PHF2: variants seen among roughly 807,000 people sequenced by gnomAD.
PHF2 encodes the protein lysine-specific demethylase PHF2.
A neutral mutation model predicts 120.5 loss-of-function variants in PHF2; 27 were observed. The observed-to-expected ratio is 0.22, with a 90% confidence interval of 0.17 to 0.31. The LOEUF is 0.31. Ranked by LOEUF, PHF2 falls within the 10% of genes least tolerant of loss-of-function variation. The pLI is 1.00. For missense variants in PHF2, 1,024 were observed against 1,434.8 expected, an observed-to-expected ratio of 0.71 and a Z score of 4.63; for synonymous variants, 568 against 592.5, an observed-to-expected ratio of 0.96 and a Z score of 0.60.
In PHF2 at chr9:93,665,669, A is replaced by G; in HGVS notation, c.1938-17A>G. 2 of 1,611,392 alleles carry G rather than the reference A, an allele frequency of 1.2e-6. No homozygotes were observed. The highest frequency in any genetic ancestry group is 1.1e-5 in the South Asian group (1 of 90,992). On this transcript the variant is annotated splice_polypyrimidine_tract_variant and intron_variant, in intron 14 of 21. Transcript: ENST00000359246. ...GGGGCTATGTGGATGCTGCTGACCC[A>G]CTCGCTTCTGCCCTAGCTCCAAGGC...
At chr9:93,597,154 C>G (rs1296531670) in intron 1 of PHF2, among the ~76,000 whole-genome samples, 1 of 152,150 alleles carries the variant, frequency 6.6e-6, no homozygotes, top group East Asian at 1.9e-4. Context: ...TGGTCTCGAT[C>G]TCTTGCCCTC....
intron 1 of PHF2, among the ~76,000 whole-genome samples, chr9:93,629,301 C>T (rs967503251): frequency 1.3e-5 from 2 of 152,184 alleles, no homozygotes; most frequent in Non-Finnish European, 2.9e-5. Context: ...TAGGTTGTGT[C>T]CTTTGATACT....
rs759849605 is a variant in PHF2, at chr9:93,667,218, G to A, written c.2326G>A (p.Ala776Thr). ...GCTGCAGGCCAGTGAGGAGGTTGGCGCGCTGGAGTACAACCCCAGCAGGTG... is the reference window on the plus strand; with the variant it reads ...GCTGCAGGCCAGTGAGGAGGTTGGCACGCTGGAGTACAACCCCAGCAGGTG... ...DLLQASEEVG[A>T]LEYNPSSQPP... The change falls in exon 17 of 22, where the codon GCG (alanine) becomes ACG (threonine). Residue 776 changes from alanine (A) to threonine (T), a missense_variant. Around this residue, in one of 2 missense-constraint regions of PHF2, gnomAD observed 677 missense variants for 857.4 expected, o/e 0.79. Transcript: ENST00000359246. The A allele has an allele frequency of 8.1e-6, 13 of 1,611,192 alleles. No homozygotes were observed. The highest frequency in any genetic ancestry group is 4.5e-5 in the East Asian group (2 of 44,796).
chr9:93,639,957 T>G (rs1406216247), intron 3 of PHF2, among the ~76,000 whole-genome samples: 1 of 152,122 alleles, frequency 6.6e-6, no homozygotes, highest in Non-Finnish European at 1.5e-5. Context: ...TCTTACTGAG[T>G]TTTTGGAGAT....
chr9:93,633,219 G>C (rs1826029262), intron 2 of PHF2, among the ~76,000 whole-genome samples: 1 of 152,156 alleles, frequency 6.6e-6, no homozygotes, highest in Non-Finnish European at 1.5e-5. Context: ...GGGATTGCAG[G>C]GTCCCTCCCC....
In PHF2 at chr9:93,663,563, T is replaced by G. The variant is rs762432861; in HGVS notation, c.1865T>G (p.Leu622Arg). The change falls in exon 14 of 22, where the codon CTA becomes CGA. Residue 622 changes from leucine (L) to arginine (R), a missense_variant. Around this residue, in one of 2 missense-constraint regions of PHF2, gnomAD observed 677 missense variants for 857.4 expected, o/e 0.79. Coordinates refer to ENST00000359246, the MANE Select transcript of PHF2 (RefSeq NM_005392.4). ...SLLKMEEEQKLEKSPLAGNKD... is the reference protein window; with the variant it reads ...SLLKMEEEQKREKSPLAGNKD... Reference sequence around the variant, plus strand: ...CTGAAGATGGAAGAGGAGCAGAAGCTAGAGAAGTCGCCTCTAGCTGGAAAC... The same window carrying G: ...CTGAAGATGGAAGAGGAGCAGAAGCGAGAGAAGTCGCCTCTAGCTGGAAAC... 5.0e-6 allele frequency: 8 copies of G among 1,613,452 alleles called. No individual in the cohort carries two copies. The highest frequency in any genetic ancestry group is 5.9e-6 in the Non-Finnish European group (7 of 1,179,680).
At chr9:93,651,544 G>A (rs910874556) in intron 5 of PHF2, among the ~76,000 whole-genome samples, 5 of 152,134 alleles carry the variant, frequency 3.3e-5, no homozygotes, top group African/African-American at 7.2e-5. Flanking sequence ...GTAAGGTCAG[G>A]CCTGACACCA....
chr9:93,611,286 G>A (rs1236061595), intron 1 of PHF2, among the ~76,000 whole-genome samples: 1 of 151,968 alleles, frequency 6.6e-6, no homozygotes, highest in Non-Finnish European at 1.5e-5. Flanking sequence ...GTGGTGGTGT[G>A]TGCCTGTAAT....
chr9:93,660,095 G>T (rs1826533132), intron 11 of PHF2, 97 bp from the exon 12 acceptor site: 1 of 1,410,210 alleles, frequency 7.1e-7, no homozygotes, highest in Non-Finnish European at 9.4e-7. Context: ...TTCCCCGCCA[G>T]CCTGGCACTG....
At chr9:93,673,445 C>T in intron 17 of PHF2, 140 bp from the exon 18 acceptor site, 2 of 617,356 alleles carry the variant, frequency 3.2e-6, no homozygotes, top group Non-Finnish European at 5.1e-6. Context: ...TCACTGCCAC[C>T]CTCTCTGCTC....
In PHF2 at chr9:93,611,205, C is replaced by A. The variant is rs529676404; in HGVS notation, c.99-18765C>A. Among the ~76,000 whole-genome samples, 3 of 152,188 alleles carry A rather than the reference C, an allele frequency of 2.0e-5. No homozygotes were observed. In the South Asian group the frequency reaches 6.2e-4, roughly 32 times the overall value. ...CTGAGGTGGGTGGATCACCTGAGGT[C>A]AGGAGTTCACGACCAGCCTGACCGA... is the stretch of plus-strand genomic sequence containing the variant. On this transcript the variant is annotated intron_variant, in intron 1 of 21. Transcript: ENST00000359246.
Position 93,658,176 on chromosome 9 carries a change from T to G in PHF2, c.1179T>G (p.Pro393=). 1 of 1,610,092 alleles carries G rather than the reference T, an allele frequency of 6.2e-7. No individual in the cohort carries two copies. Among genetic ancestry groups the G allele is most frequent in the Non-Finnish European group, 8.5e-7 (1 of 1,177,470 alleles). The change falls in exon 10 of 22, where the codon CCT becomes CCG. Residue 393 remains proline, a synonymous_variant. Coordinates refer to ENST00000359246, the MANE Select transcript of PHF2 (RefSeq NM_005392.4). ...GSHKSGKQLP[P]HLVQGAKILN... is the part of the protein sequence containing the mutation. Reference sequence around the variant, plus strand: ...ACAAATCTGGGAAGCAGCTGCCCCCTCATCTAGTCCAAGGAGCTAAAATTC... The same window carrying G: ...ACAAATCTGGGAAGCAGCTGCCCCCGCATCTAGTCCAAGGAGCTAAAATTC...
chr9:93,604,156 G>T (rs997836668), intron 1 of PHF2, among the ~76,000 whole-genome samples: 5 of 152,110 alleles, frequency 3.3e-5, no homozygotes, highest in Admixed American at 3.3e-4. Flanking sequence ...GGGAAAAACA[G>T]GTTGATGTGT....
intron 7 of PHF2, 67 bp from the exon 8 acceptor site, chr9:93,655,867 C>T: frequency 8.3e-7 from 1 of 1,208,856 alleles, no homozygotes; most frequent in South Asian, 1.3e-5. Context: ...GCTCCCTGAT[C>T]TAGAGCCATG....
chr9:93,607,214 A>C (rs10821179), intron 1 of PHF2, among the ~76,000 whole-genome samples: 46,919 of 152,024 alleles, frequency 0.31, 8,232 homozygotes, highest in Non-Finnish European at 0.4. Flanking sequence ...TGTAAACTTC[A>C]GAATCAATTT....
In PHF2 at chr9:93,677,637, A is replaced by G; in HGVS notation, c.3252A>G (p.Lys1084=). The G allele has an allele frequency of 5.0e-6, 8 of 1,613,862 alleles. No homozygotes were observed. The highest frequency in any genetic ancestry group is 5.9e-6 in the Non-Finnish European group (7 of 1,179,932). ...CGACCGCCAAGCAGAGGCTTGGGAA[A>G]ATTTTGAAAATTCATCGGAACGGGA... ...GMATAKQRLG[K]ILKIHRNGKL... The change falls in exon 22 of 22, where the codon AAA becomes AAG. Residue 1084 remains lysine, a synonymous_variant. Transcript: ENST00000359246. The surrounding 1 kb of genome is among the most constrained non-coding windows in gnomAD (Gnocchi z 4.4).
intron 1 of PHF2, among the ~76,000 whole-genome samples, chr9:93,581,073 T>A (rs1345541526): frequency 6.6e-6 from 1 of 152,112 alleles, no homozygotes; most frequent in African/African-American, 2.4e-5. Flanking sequence ...TGGACAAGAC[T>A]TGCCTGGCAT....
Position 93,676,961 on chromosome 9 carries a change from A to G in PHF2, c.3200A>G (p.Lys1067Arg), listed in dbSNP as rs959001985. 11 of 1,546,210 alleles carry G rather than the reference A, an allele frequency of 7.1e-6. No homozygotes were observed. The highest frequency in any genetic ancestry group is 9.6e-6 in the Non-Finnish European group (11 of 1,142,066). ...ASSPNNNTAA[K>R]GKRTKKGMAT... ...TCTCCAAACAACAACACCGCTGCCA[A>G]AGGTACTGTGCCTGCTGGAGGGAGC... The change falls in exon 21 of 22, where the codon AAA (lysine) becomes AGA (arginine). Residue 1067 changes from lysine to arginine, a missense_variant and splice_region_variant. This residue lies in a region of PHF2 where 677 missense variants were observed against 857.4 expected (regional missense o/e 0.79). Transcript: ENST00000359246.
intron 17 of PHF2, among the ~76,000 whole-genome samples, chr9:93,671,564 T>G (rs10992852): frequency 4.1e-5 from 2 of 48,944 alleles, no homozygotes; most frequent in Admixed American, 2.3e-4. Flanking sequence ...GGGAGTAGGG[T>G]CAGGTGTAGA....
Sources: gnomAD v4.1 joint callset for allele counts (sites outside exome capture counted in the v4.1 genomes callset) on GRCh38, gnomAD v4.1.1 for gene constraint, gnomAD v4.1.1 regional missense constraint, Gnocchi (gnomAD v3.1) non-coding constraint, MANE v1.5 for transcripts, NCBI Gene and HGNC (gene_info 2026-07-23, HGNC 2026-07-21) for gene names.